The following ARSG variants were observed in gnomAD, a reference collection of about 807,000 sequenced individuals.
ARSG encodes the protein ASG.
In ARSG, 37 loss-of-function variants were observed where a neutral mutation model predicts 50.5. The observed-to-expected ratio is 0.73, with a 90% CI of 0.56 to 0.96. The LOEUF is 0.96. ARSG is among the 50% of genes least tolerant of loss of function. ARSG has a pLI of 0.00. For missense variants in ARSG, 629 were observed against 675.3 expected, an observed-to-expected ratio of 0.93 and a Z score of 0.76; for synonymous variants, 225 against 254.6, an observed-to-expected ratio of 0.88 and a Z score of 1.11.
chr17:68,326,384 C>G (rs1468624407), intron 2 of ARSG, among the ~76,000 whole-genome samples: 2 of 152,192 alleles, frequency 1.3e-5, no homozygotes, highest in Non-Finnish European at 1.5e-5. Flanking sequence ...AAAAACAACT[C>G]AGCCTGGCGC....
chr17:68,435,995 G>A, the ARSG span, among the ~76,000 whole-genome samples: 6 of 152,378 alleles, frequency 3.9e-5, no homozygotes, highest in East Asian at 3.9e-4. Flanking sequence ...CGCCCTGCAC[G>A]CATCTTTAGG....
intron 8 of ARSG, among the ~76,000 whole-genome samples, chr17:68,382,320 A>C (rs1568553071): frequency 6.6e-6 from 1 of 152,142 alleles, no homozygotes; most frequent in Non-Finnish European, 1.5e-5. Flanking sequence ...CCCCATCTGA[A>C]AGATGGGGAC....
chr17:68,298,432 T>C (rs782226994), intron 1 of ARSG, among the ~76,000 whole-genome samples: 3 of 151,592 alleles, frequency 2.0e-5, no homozygotes, highest in Admixed American at 6.6e-5. Flanking sequence ...CTGTCTCTAC[T>C]AAAAATATAA....
chr17:68,434,594 A>G, the ARSG span: 1 of 1,614,054 alleles, frequency 6.2e-7, no homozygotes, highest in South Asian at 1.1e-5. Context: ...GCTTTTGCCC[A>G]TCAGGGACAG....
the ARSG span, chr17:68,429,007 G>GC: frequency 7.6e-6 from 9 of 1,177,452 alleles, 1 homozygote; most frequent in South Asian, 9.0e-5. Flanking sequence ...CAATGACAAA[G>GC]CCCCCCTCAC....
chr17:68,373,474 C>T (rs2079968970), intron 8 of ARSG, among the ~76,000 whole-genome samples: 1 of 152,046 alleles, frequency 6.6e-6, no homozygotes, highest in South Asian at 2.1e-4. Context: ...GGTGATCCAC[C>T]CATCTTGGCC....
At chr17:68,324,649 T>C (rs2077431702) in intron 2 of ARSG, among the ~76,000 whole-genome samples, 1 of 152,216 alleles carries the variant, frequency 6.6e-6, no homozygotes, top group Non-Finnish European at 1.5e-5. Context: ...ACCAGCTATG[T>C]AGTCTTGGAA....
chr17:68,418,787 C>T (rs1228541474), intron 11 of ARSG, among the ~76,000 whole-genome samples: 1 of 152,124 alleles, frequency 6.6e-6, no homozygotes. Flanking sequence ...GAAGGAGCCA[C>T]TGGAAGAATT....
At chr17:68,370,579 G>C (rs142081339) in intron 8 of ARSG, 55 bp downstream of exon 8, 10 of 1,554,630 alleles carry the variant, frequency 6.4e-6, no homozygotes, top group Non-Finnish European at 8.9e-6. Flanking sequence ...GCCCAGGCTG[G>C]GGTGTGGGAT....
At chr17:68,416,503 A>T (rs2082372689) in intron 11 of ARSG, among the ~76,000 whole-genome samples, 1 of 151,976 alleles carries the variant, frequency 6.6e-6, no homozygotes, top group Non-Finnish European at 1.5e-5. Context: ...TTGTATTTGG[A>T]TGTCTAGGTT....
chr17:68,343,289 C>A (rs1388370623), intron 2 of ARSG, among the ~76,000 whole-genome samples: 1 of 152,044 alleles, frequency 6.6e-6, no homozygotes, highest in African/African-American at 2.4e-5. Flanking sequence ...CCTGAGTAGC[C>A]GGGACTACAG....
At chr17:68,311,378 G>C (rs1382335195) in intron 2 of ARSG, among the ~76,000 whole-genome samples, 1 of 152,110 alleles carries the variant, frequency 6.6e-6, no homozygotes, top group African/African-American at 2.4e-5. Context: ...TTCTGTGATG[G>C]TCCTTGCTGC....
At chr17:68,408,886 C>A (rs1179962164) in intron 11 of ARSG, among the ~76,000 whole-genome samples, 1 of 151,690 alleles carries the variant, frequency 6.6e-6, no homozygotes, top group Non-Finnish European at 1.5e-5. Context: ...TGATGGTGAG[C>A]ATTTTTTCAT....
chr17:68,297,682 G>A (rs1161565832), intron 1 of ARSG, among the ~76,000 whole-genome samples: 1 of 152,222 alleles, frequency 6.6e-6, no homozygotes, highest in Non-Finnish European at 1.5e-5. Flanking sequence ...GCCCAGGTTG[G>A]TCTGGAACTC....
At chr17:68,387,510 C>T (rs1010524715) in intron 9 of ARSG, among the ~76,000 whole-genome samples, 1 of 152,166 alleles carries the variant, frequency 6.6e-6, no homozygotes, top group Non-Finnish European at 1.5e-5. Flanking sequence ...TGCTGTTTCC[C>T]ATATGAATCC....
rs569511562 is a variant in ARSG, at chr17:68,373,034, G to A, written c.982+2510G>A. ...AGTCTCCCAAGTAGCTGGGATTACA[G>A]GTGTGTGCCACCACGCTCAGCTAAT... is the stretch of plus-strand genomic sequence containing the variant. On this transcript the variant is annotated intron_variant, in intron 8 of 11. Coordinates refer to ENST00000621439, the MANE Select transcript of ARSG (RefSeq NM_001267727.2). 1.1e-3 allele frequency among the ~76,000 whole-genome samples: 162 copies of A among 151,314 alleles called. 9 individuals are homozygous for A. The South Asian group carries it at 0.032, about 30-fold the overall frequency.
the ARSG span, among the ~76,000 whole-genome samples, chr17:68,441,308 C>T: frequency 6.6e-6 from 1 of 152,200 alleles, no homozygotes; most frequent in Non-Finnish European, 1.5e-5. Flanking sequence ...TTTACAGCTG[C>T]GTTAGATACC....
At chr17:68,407,521 T>C (rs1011910799) in intron 11 of ARSG, among the ~76,000 whole-genome samples, 1 of 152,142 alleles carries the variant, frequency 6.6e-6, no homozygotes, top group South Asian at 2.1e-4. Flanking sequence ...GTTTGTGTCA[T>C]CTATGATTTC....
intron 2 of ARSG, among the ~76,000 whole-genome samples, chr17:68,314,648 A>G (rs782593167): frequency 6.6e-6 from 1 of 152,128 alleles, no homozygotes; most frequent in Admixed American, 6.6e-5. Context: ...TCAAGGCTGC[A>G]GTGAGCTATG....
Sources: allele counts gnomAD v4.1 joint callset (sites outside exome capture counted in the v4.1 genomes callset), GRCh38; gene constraint gnomAD v4.1.1; transcripts MANE v1.5; gene names NCBI Gene and HGNC (gene_info 2026-07-23, HGNC 2026-07-21).